DPF3: variants seen among roughly 807,000 people sequenced by gnomAD.
DPF3 encodes zinc finger protein DPF3.
DPF3 carries 18 observed loss-of-function variants against 56.8 expected under a neutral mutation model. The observed-to-expected ratio is 0.32, with a 90% confidence interval of 0.22 to 0.47. DPF3 has a LOEUF of 0.47. Among genes scored for constraint, DPF3 ranks in the 20% least tolerant of loss-of-function variants. DPF3 has a pLI of 1.00. For synonymous variants in DPF3, 188 were observed against 180.2 expected, an observed-to-expected ratio of 1.04 and a Z score of -0.35; for missense variants, 403 against 488.8, an observed-to-expected ratio of 0.82 and a Z score of 1.65.
At chr14:72,777,952 T>C (rs888413842) in intron 1 of DPF3, among the ~76,000 whole-genome samples, 1 of 152,236 alleles carries the variant, frequency 6.6e-6, no homozygotes, top group Non-Finnish European at 1.5e-5. Flanking sequence ...AATGGCCTAA[T>C]CCAGGAGGTA....
chr14:72,712,167 C>A (rs1052830318), intron 6 of DPF3, among the ~76,000 whole-genome samples: 2 of 151,912 alleles, frequency 1.3e-5, no homozygotes, highest in African/African-American at 2.4e-5. Flanking sequence ...GAAAGCCTGC[C>A]GTCAGGCCTC....
rs1258430995 is a variant in DPF3 at position 72,693,287 on chromosome 14, CA to C, written c.605-75del. 99 of 1,513,752 alleles carry C rather than the reference CA, an allele frequency of 6.5e-5. No individual in the cohort carries two copies. The Middle Eastern group carries it at 1.7e-3, about 26-fold the overall frequency. The allele number at this position is 1,513,752 out of a possible 1,614,324, so 93.8% of individuals were successfully genotyped here. On this transcript the variant is annotated intron_variant, in intron 6 of 10. Transcript: ENST00000556509. ...TGTGCAGCCACCGCTATCATTCTCC[CA>C]GACAGTGATCCCATCCATCCACCCC...
At chr14:72,781,941 T>C (rs1185191734) in intron 1 of DPF3, among the ~76,000 whole-genome samples, 1 of 152,154 alleles carries the variant, frequency 6.6e-6, no homozygotes, top group African/African-American at 2.4e-5. Flanking sequence ...AGAAATTTCA[T>C]TGATTGAGAA....
At chr14:72,805,659 A>G (rs1056699950) in intron 1 of DPF3, among the ~76,000 whole-genome samples, 2 of 152,148 alleles carry the variant, frequency 1.3e-5, no homozygotes, top group Non-Finnish European at 2.9e-5. Context: ...CAGCCTGGCC[A>G]ACAAGGTGAA....
intron 8 of DPF3, among the ~76,000 whole-genome samples, chr14:72,659,036 A>C (rs1599333075): frequency 6.6e-6 from 1 of 150,694 alleles, no homozygotes; most frequent in East Asian, 1.9e-4. Flanking sequence ...CCCTGGGCCC[A>C]CCTCCTGCAG....
intron 1 of DPF3, among the ~76,000 whole-genome samples, chr14:72,875,007 A>T (rs1420845299): frequency 6.6e-6 from 1 of 152,220 alleles, no homozygotes; most frequent in African/African-American, 2.4e-5. Flanking sequence ...GCAGGAAGTG[A>T]AAGACACTTC....
intron 10 of DPF3, among the ~76,000 whole-genome samples, chr14:72,619,607 C>T (rs1412624488): frequency 2.0e-5 from 3 of 152,156 alleles, no homozygotes; most frequent in South Asian, 4.1e-4. Flanking sequence ...CTAGTGTCGC[C>T]GGGCCTGCGC....
rs1264939047 is a variant in DPF3, at chr14:72,720,511, G to GGTGGGCCCAGTAT, written c.525+3121_525+3122insATACTGGGCCCAC. Reference sequence around the variant, plus strand: ...TACAACATGGAACCATTCAGCTGCTGCTTGGCCAGTATCTGGTGGGCCCAG... The same window carrying GGTGGGCCCAGTAT: ...TACAACATGGAACCATTCAGCTGCTGGTGGGCCCAGTATCTTGGCCAGTATCTGGTGGGCCCAG... On this transcript the variant is annotated intron_variant, in intron 5 of 10. Coordinates refer to ENST00000556509, the MANE Select transcript of DPF3 (RefSeq NM_001280542.3). Among the ~76,000 whole-genome samples, 5 of 152,308 alleles carry GGTGGGCCCAGTAT rather than the reference G, an allele frequency of 3.3e-5. No individual in the cohort carries two copies. In the East Asian group the frequency reaches 9.6e-4, roughly 29 times the overall value.
chr14:72,811,632 C>G (rs1056154492), intron 1 of DPF3, among the ~76,000 whole-genome samples: 5 of 152,138 alleles, frequency 3.3e-5, no homozygotes, highest in Non-Finnish European at 5.9e-5. Flanking sequence ...CAGAAATTTC[C>G]AAAAAGTCTC....
At chr14:72,832,111 G>A (rs1353895442) in intron 1 of DPF3, among the ~76,000 whole-genome samples, 1 of 152,160 alleles carries the variant, frequency 6.6e-6, no homozygotes, top group Non-Finnish European at 1.5e-5. Flanking sequence ...CAGCTACTCA[G>A]TAGGCTGAAG....
At chr14:72,738,120 C>T (rs1889972839) in intron 3 of DPF3, among the ~76,000 whole-genome samples, 1 of 152,098 alleles carries the variant, frequency 6.6e-6, no homozygotes, top group African/African-American at 2.4e-5. Context: ...GTATTGTTAT[C>T]TCTCACCTCA....
At position 72,893,021 on chromosome 14, in the gene DPF3, A is replaced by AAGGAAGGAAGGCAGGCAGGC. The variant is rs1567273912; in HGVS notation, c.32+1035_32+1036insGCCTGCCTGCCTTCCTTCCT. Reference sequence around the variant, plus strand: ...GAAGGAAGGAAGGAAGGAAGGAAGGAAGGATGAAAAGGAGGAGGAAGGCAG... The same window carrying AAGGAAGGAAGGCAGGCAGGC: ...GAAGGAAGGAAGGAAGGAAGGAAGGAAGGAAGGAAGGCAGGCAGGCAGGATGAAAAGGAGGAGGAAGGCAG... On this transcript the variant is annotated intron_variant, in intron 1 of 10. Transcript: ENST00000556509. Among the ~76,000 whole-genome samples the AAGGAAGGAAGGCAGGCAGGC allele has an allele frequency of 3.0e-5, 4 of 135,560 alleles. 1 individual carries two copies. The highest frequency in any genetic ancestry group is 5.0e-5 in the Non-Finnish European group (3 of 60,462). 88.9% of individuals were successfully genotyped at this position (135,560 alleles called of 152,430 possible).
intron 9 of DPF3, among the ~76,000 whole-genome samples, chr14:72,624,831 A>G (rs952221896): frequency 3.3e-5 from 5 of 152,236 alleles, no homozygotes; most frequent in Admixed American, 1.3e-4. Context: ...TTTTCTCATG[A>G]TAAGATCCAC....
intron 8 of DPF3, among the ~76,000 whole-genome samples, chr14:72,656,763 T>C (rs866397881): frequency 6.6e-6 from 1 of 152,166 alleles, no homozygotes; most frequent in Non-Finnish European, 1.5e-5. Context: ...AACTTGGAGG[T>C]AACTGGGGTA....
intron 6 of DPF3, among the ~76,000 whole-genome samples, chr14:72,703,120 T>C (rs906587574): frequency 3.9e-5 from 6 of 152,140 alleles, no homozygotes; most frequent in Non-Finnish European, 8.8e-5. Context: ...TCAACTGTGA[T>C]AGGAAAATGA....
intron 7 of DPF3, among the ~76,000 whole-genome samples, chr14:72,688,739 C>T (rs1887543387): frequency 2.0e-5 from 3 of 152,242 alleles, no homozygotes; most frequent in South Asian, 4.1e-4. Context: ...TGTGCACACA[C>T]ACAGTCATTT....
At chr14:72,695,789 C>A (rs1397333473) in intron 6 of DPF3, among the ~76,000 whole-genome samples, 1 of 151,890 alleles carries the variant, frequency 6.6e-6, no homozygotes, top group Non-Finnish European at 1.5e-5. Context: ...GAAGCCCAAA[C>A]CTTAGCATTA....
chr14:72,673,333 C>T (rs1647789550), intron 8 of DPF3, among the ~76,000 whole-genome samples: 2 of 152,134 alleles, frequency 1.3e-5, no homozygotes, highest in South Asian at 4.2e-4. Flanking sequence ...TGGAACAAAG[C>T]ATCCAACCAA....
At chr14:72,819,595 A>G (rs1811965144) in intron 1 of DPF3, among the ~76,000 whole-genome samples, 1 of 152,218 alleles carries the variant, frequency 6.6e-6, no homozygotes, top group Admixed American at 6.5e-5. Flanking sequence ...AACAATGTGG[A>G]TAAGACTTTT....
Sources: allele counts gnomAD v4.1 joint callset (sites outside exome capture counted in the v4.1 genomes callset), GRCh38; gene constraint gnomAD v4.1.1; transcripts MANE v1.5; gene names NCBI Gene and HGNC (gene_info 2026-07-23, HGNC 2026-07-21).